The following CDH18 variants were observed in gnomAD, a reference collection of about 807,000 sequenced individuals.
CDH18 encodes cadherin-18.
In CDH18, 31 loss-of-function variants were observed where a neutral mutation model predicts 67.9. The observed-to-expected ratio is 0.46, with a 90% confidence interval of 0.34 to 0.62. The LOEUF is 0.62. Ranked by LOEUF, CDH18 falls within the 20% of genes least tolerant of loss-of-function variation. The pLI is 0.01. For synonymous variants in CDH18, 362 were observed against 347.2 expected (o/e 1.04, Z -0.48); for missense variants, 890 against 975.5 (o/e 0.91, Z 1.17).
intron 1 of CDH18, among the ~76,000 whole-genome samples, chr5:20,307,744 A>T (rs1232619036): frequency 6.6e-6 from 1 of 151,424 alleles, no homozygotes. Context: ...TATAAAATAC[A>T]GTGTGATTAT....
At chr5:19,649,927 C>T (rs10941399) in intron 5 of CDH18, among the ~76,000 whole-genome samples, 84,603 of 151,688 alleles carry the variant, frequency 0.56, 26,749 homozygotes, top group South Asian at 0.75. Flanking sequence ...GACTGTGAGT[C>T]AATACTGTTT....
Position 19,476,000 on chromosome 5 carries a change from T to C in CDH18, c.1883-2284A>G, listed in dbSNP as rs576007233. ...CTCTAATCTATATGGACTAGTTTTATCTGTTTTAAAACTAGAGAAAACTTG... is the reference window on the plus strand; with the variant it reads ...CTCTAATCTATATGGACTAGTTTTACCTGTTTTAAAACTAGAGAAAACTTG... On this transcript the variant is annotated intron_variant, in intron 12 of 12. Transcript: ENST00000382275. 7.8e-4 allele frequency among the ~76,000 whole-genome samples: 118 copies of C among 152,220 alleles called. 1 individual carries two copies. In the South Asian group the frequency reaches 0.021, roughly 27 times the overall value.
intron 1 of CDH18, among the ~76,000 whole-genome samples, chr5:20,285,328 G>GT (rs1030617099): frequency 7.4e-5 from 11 of 149,584 alleles, no homozygotes; most frequent in African/African-American, 2.7e-4. Context: ...CAAGGATTTT[G>GT]TTTTTTTGGT....
At chr5:20,515,912 A>G (rs1755339909) in intron 1 of CDH18, among the ~76,000 whole-genome samples, 1 of 152,036 alleles carries the variant, frequency 6.6e-6, no homozygotes, top group Admixed American at 6.6e-5. Flanking sequence ...TTGCTTGACT[A>G]ATTGATTGGC....
At chr5:19,676,313 G>C (rs900081905) in intron 5 of CDH18, among the ~76,000 whole-genome samples, 2 of 151,984 alleles carry the variant, frequency 1.3e-5, no homozygotes, top group Non-Finnish European at 2.9e-5. Context: ...TCGCTAAAGA[G>C]GTAATCATTC....
At chr5:20,562,916 T>G (rs1454463882) in intron 1 of CDH18, among the ~76,000 whole-genome samples, 5 of 151,830 alleles carry the variant, frequency 3.3e-5, no homozygotes, top group African/African-American at 1.2e-4. Flanking sequence ...AATGCTGGTG[T>G]ATTTCTATCA....
At chr5:19,837,807 C>T (rs996735735) in intron 3 of CDH18, among the ~76,000 whole-genome samples, 2 of 151,824 alleles carry the variant, frequency 1.3e-5, no homozygotes, top group Admixed American at 6.6e-5. Flanking sequence ...AATCATCAAT[C>T]GGGGGATAGA....
intron 5 of CDH18, among the ~76,000 whole-genome samples, chr5:19,644,299 T>C (rs944867500): frequency 6.6e-6 from 1 of 152,118 alleles, no homozygotes; most frequent in Non-Finnish European, 1.5e-5. Context: ...TTCCTAGGGC[T>C]AAAGTGTGAA....
At chr5:20,230,578 C>A (rs1446685666) in intron 2 of CDH18, among the ~76,000 whole-genome samples, 2 of 151,964 alleles carry the variant, frequency 1.3e-5, no homozygotes, top group Admixed American at 6.6e-5. Context: ...TTAGCTATTA[C>A]CGGTTTTTAA....
chr5:20,551,017 A>G (rs548372366), intron 1 of CDH18, among the ~76,000 whole-genome samples: 105 of 152,250 alleles, frequency 6.9e-4, no homozygotes, highest in Non-Finnish European at 1.2e-3. Context: ...CAGAATGAGA[A>G]CTCATCAGCA....
chr5:19,754,265 C>G (rs574492042), intron 3 of CDH18, among the ~76,000 whole-genome samples: 8 of 152,218 alleles, frequency 5.3e-5, no homozygotes, highest in Admixed American at 3.3e-4. Flanking sequence ...CTTCAAGAGA[C>G]TCACCTAACA....
intron 1 of CDH18, among the ~76,000 whole-genome samples, chr5:20,539,242 A>T (rs1581170519): frequency 6.6e-6 from 1 of 152,116 alleles, no homozygotes. Flanking sequence ...AAGAAAATTC[A>T]TGGGAAATAA....
At chr5:19,793,683 T>G (rs1776584235) in intron 3 of CDH18, among the ~76,000 whole-genome samples, 1 of 152,014 alleles carries the variant, frequency 6.6e-6, no homozygotes, top group African/African-American at 2.4e-5. Flanking sequence ...AGATATAATA[T>G]GTACAGCTTA....
At chr5:20,228,991 G>T (rs1461388620) in intron 2 of CDH18, among the ~76,000 whole-genome samples, 1 of 152,026 alleles carries the variant, frequency 6.6e-6, no homozygotes, top group Admixed American at 6.6e-5. Flanking sequence ...TCATATTTAT[G>T]TACAGTTTCA....
intron 2 of CDH18, among the ~76,000 whole-genome samples, chr5:20,233,663 T>C (rs1021648281): frequency 3.7e-4 from 57 of 152,080 alleles, no homozygotes; most frequent in African/African-American, 1.3e-3. Context: ...TGCATGTGTA[T>C]TTATTTAAGA....
intron 5 of CDH18, among the ~76,000 whole-genome samples, chr5:19,644,345 C>T (rs1021657606): frequency 7.2e-5 from 11 of 151,844 alleles, no homozygotes; most frequent in African/African-American, 2.2e-4. Context: ...TCGCAAGAAG[C>T]ATATAGATCC....
chr5:20,198,502 G>A lies in CDH18; in HGVS notation c.-518+56942C>T, dbSNP rs144972376. 2.0e-4 allele frequency among the ~76,000 whole-genome samples: 30 copies of A among 152,242 alleles called. No homozygotes were observed. In the East Asian group the frequency reaches 4.1e-3, roughly 21 times the overall value. ...TTAAGAGAGATGATTTAGGGTATCCGGCAGAAGAAATTTCTAAGCAGCAAA... is the reference window on the plus strand; with the variant it reads ...TTAAGAGAGATGATTTAGGGTATCCAGCAGAAGAAATTTCTAAGCAGCAAA... On this transcript the variant is annotated intron_variant, in intron 2 of 14. Coordinates refer to the CDH18 transcript ENST00000507958.
chr5:20,486,340 T>A (rs1431339740), intron 1 of CDH18, among the ~76,000 whole-genome samples: 4 of 152,130 alleles, frequency 2.6e-5, no homozygotes, highest in Non-Finnish European at 5.9e-5. Flanking sequence ...ACAAAGCCTA[T>A]AGAGATTGCA....
chr5:19,829,002 C>A (rs563770304), intron 3 of CDH18, among the ~76,000 whole-genome samples: 1 of 152,248 alleles, frequency 6.6e-6, no homozygotes, highest in Admixed American at 6.5e-5. Context: ...CATGCCATTG[C>A]ACTCTAGCCT....
Sources: allele counts gnomAD v4.1 joint callset (sites outside exome capture counted in the v4.1 genomes callset), GRCh38; gene constraint gnomAD v4.1.1; transcripts MANE v1.5; gene names NCBI Gene and HGNC (gene_info 2026-07-23, HGNC 2026-07-21).